Variants in NCAM1 observed in about 807,000 individuals in gnomAD.
NCAM1 encodes neural cell adhesion molecule 1.
In NCAM1, 14 loss-of-function variants were observed where a neutral mutation model predicts 109.8. The observed-to-expected ratio is 0.13, with a 90% CI of 0.08 to 0.20. The LOEUF is 0.20. NCAM1 is among the 10% of genes least tolerant of loss of function. The probability of loss-of-function intolerance (pLI) is 1.00; values close to 1 mark genes in which losing one functional copy is unlikely to be tolerated. For synonymous variants in NCAM1, 418 were observed against 442.9 expected, an observed-to-expected ratio of 0.94 and a Z score of 0.70; for missense variants, 774 against 1,109.9, an observed-to-expected ratio of 0.70 and a Z score of 4.30.
chr11:112,992,803 G>A (rs1020692568), intron 1 of NCAM1, among the ~76,000 whole-genome samples: 13 of 151,916 alleles, frequency 8.6e-5, no homozygotes, highest in East Asian at 1.9e-4. Context: ...CACCGCACCC[G>A]GCCTGAAAAA....
At chr11:112,982,545 A>T (rs1951181116) in intron 1 of NCAM1, among the ~76,000 whole-genome samples, 2 of 151,836 alleles carry the variant, frequency 1.3e-5, no homozygotes, top group Admixed American at 1.3e-4. Flanking sequence ...GGGTAGGAGG[A>T]GCTACTGTAG....
chr11:113,055,977 T>TGA (rs1953683356), intron 1 of NCAM1, among the ~76,000 whole-genome samples: 2 of 50,264 alleles, frequency 4.0e-5, no homozygotes, highest in South Asian at 1.6e-3. Context: ...AAAGAAAATG[T>TGA]GATATATATA....
rs189146374 is a variant in NCAM1, at chr11:113,276,312, C to T, written c.*925C>T. On this transcript the variant is annotated 3_prime_UTR_variant, in exon 20 of 20. Coordinates refer to ENST00000316851, the MANE Select transcript of NCAM1 (RefSeq NM_181351.5). ...TCTGATCTGCAGTTTTTGCCTGGGTCCCACTCAGGTGAAAATCCATCTCAT... is the reference window on the plus strand; with the variant it reads ...TCTGATCTGCAGTTTTTGCCTGGGTTCCACTCAGGTGAAAATCCATCTCAT... The T allele has an allele frequency of 6.5e-6, 1 of 152,684 alleles. No individual in the cohort carries two copies. Among genetic ancestry groups the T allele is most frequent in the African/African-American group, 2.4e-5 (1 of 41,554 alleles). 9.5% of individuals were successfully genotyped at this position (152,684 alleles called of 1,614,324 possible).
intron 1 of NCAM1, among the ~76,000 whole-genome samples, chr11:113,123,257 ATAATC>A (rs1204556195): frequency 2.0e-5 from 3 of 152,250 alleles, no homozygotes; most frequent in Admixed American, 6.5e-5. Context: ...CTGGCGATGG[ATAATC>A]TAAACACCCT....
At chr11:112,967,047 G>A (rs1234314114) in intron 1 of NCAM1, among the ~76,000 whole-genome samples, 1 of 152,174 alleles carries the variant, frequency 6.6e-6, no homozygotes, top group East Asian at 1.9e-4. Context: ...TGAATTCAAA[G>A]ATTGCATGGC....
At chr11:113,175,944 T>C (rs1943130785) in intron 1 of NCAM1, among the ~76,000 whole-genome samples, 1 of 152,230 alleles carries the variant, frequency 6.6e-6, no homozygotes, top group South Asian at 2.1e-4. Flanking sequence ...GCAGTTACCC[T>C]GATTTGATTA....
chr11:113,092,103 A>T (rs983104467), intron 1 of NCAM1, among the ~76,000 whole-genome samples: 2 of 152,070 alleles, frequency 1.3e-5, no homozygotes, highest in East Asian at 3.9e-4. Context: ...TATTGTCTTT[A>T]CAGCAACTTC....
At chr11:113,219,538 G>A (rs565126356) in intron 8 of NCAM1, among the ~76,000 whole-genome samples, 1 of 152,320 alleles carries the variant, frequency 6.6e-6, no homozygotes, top group African/African-American at 2.4e-5. Context: ...TTTCATAAGT[G>A]TGTACATTTG....
chr11:113,114,310 C>T (rs1555094383), intron 1 of NCAM1, among the ~76,000 whole-genome samples: 1 of 152,182 alleles, frequency 6.6e-6, no homozygotes, highest in African/African-American at 2.4e-5. Context: ...CGTGGCCACT[C>T]TCCTTTCTGC....
At chr11:112,990,680 GTGATTTTTT>G (rs1951436299) in intron 1 of NCAM1, among the ~76,000 whole-genome samples, 1 of 152,110 alleles carries the variant, frequency 6.6e-6, no homozygotes, top group African/African-American at 2.4e-5. Context: ...GCAAGTGGGT[GTGATTTTTT>G]CTGGGTCCCA....
Position 113,205,678 on chromosome 11 carries a change from A to G in NCAM1, c.490+12A>G, listed in dbSNP as rs782421120. 6.2e-7 allele frequency: 1 copy of G among 1,610,968 alleles called. No homozygotes were observed. The highest frequency in any genetic ancestry group is 1.1e-5 in the South Asian group (1 of 90,402). On this transcript the variant is annotated intron_variant, in intron 4 of 19. Coordinates refer to ENST00000316851, the MANE Select transcript of NCAM1 (RefSeq NM_181351.5). Reference sequence around the variant, plus strand: ...CCTGAAAAAAGATGGTGAGACCTGAATTTCCTGGCATCTGCCTTTTCCCCA... The same window carrying G: ...CCTGAAAAAAGATGGTGAGACCTGAGTTTCCTGGCATCTGCCTTTTCCCCA...
At chr11:113,270,537 C>T in intron 18 of NCAM1, 142 bp downstream of exon 18, 1 of 767,538 alleles carries the variant, frequency 1.3e-6, no homozygotes. Context: ...GGGGGAAAAA[C>T]ATTAGAGAAA....
chr11:113,234,730 T>C lies in NCAM1; in HGVS notation c.1694-303T>C, dbSNP rs1233823543. Among the ~76,000 whole-genome samples, 3 of 152,264 alleles carry C rather than the reference T, an allele frequency of 2.0e-5. No homozygotes were observed. The East Asian group carries it at 5.8e-4, about 29-fold the overall frequency. ...CATTTGGGTTGCCTTTCGGCTATTG[T>C]GAATGATGCTGCTGTGAACATGGGT... On this transcript the variant is annotated intron_variant, in intron 13 of 19. Coordinates refer to ENST00000316851, the MANE Select transcript of NCAM1 (RefSeq NM_181351.5).
chr11:113,200,745 A>T (rs1282963506), intron 1 of NCAM1, among the ~76,000 whole-genome samples: 1 of 152,132 alleles, frequency 6.6e-6, no homozygotes, highest in East Asian at 1.9e-4. Context: ...GCACCCACAG[A>T]TAATCACACT....
chr11:113,254,831 C>T (rs1261414163), intron 15 of NCAM1, among the ~76,000 whole-genome samples: 3 of 152,136 alleles, frequency 2.0e-5, no homozygotes, highest in African/African-American at 7.2e-5. Context: ...GAGATAGCTC[C>T]TCACAGAAGT....
chr11:113,258,825 A>C (rs1945899591), intron 16 of NCAM1, among the ~76,000 whole-genome samples: 1 of 152,212 alleles, frequency 6.6e-6, no homozygotes, highest in Non-Finnish European at 1.5e-5. Flanking sequence ...GAAAAACAAA[A>C]AAAAGGAAAG....
rs1356015507 is a variant in NCAM1, at chr11:112,979,234, A to AAC, written c.52+17571_52+17572insCA. Among the ~76,000 whole-genome samples the AAC allele has an allele frequency of 1.8e-4, 27 of 151,668 alleles. No individual in the cohort carries two copies. In the East Asian group the frequency reaches 3.3e-3, roughly 19 times the overall value. On this transcript the variant is annotated intron_variant, in intron 1 of 19. Transcript: ENST00000316851. ...AGACTGGTAGAACAAAAAAGAAAAA[A>AAC]AAACAAACAAAAAAAACCTGTAATT...
intron 14 of NCAM1, among the ~76,000 whole-genome samples, chr11:113,238,691 T>A (rs1945243502): frequency 6.6e-6 from 1 of 152,236 alleles, no homozygotes. Flanking sequence ...AGCTGTGTGC[T>A]TGCACTGAGC....
chr11:113,273,563 C>T lies in NCAM1; in HGVS notation c.2456+1687C>T, dbSNP rs1272094814. 1 of 404,740 alleles carries T rather than the reference C, an allele frequency of 2.5e-6. No individual in the cohort carries two copies. The highest frequency in any genetic ancestry group is 2.6e-5 in the Admixed American group (1 of 38,272). 25.1% of individuals were successfully genotyped at this position (404,740 alleles called of 1,614,324 possible). A position where few individuals can be genotyped will look rare whatever the true frequency, so the allele number is the denominator to read the frequency against. On this transcript the variant is annotated intron_variant, in intron 19 of 19. Transcript: ENST00000316851. This position sits in a 1 kb window ranked among gnomAD's most constrained non-coding sequence, Gnocchi z 6.0. ...AGGCTGCCTCCGTCAGCACCACAAA[C>T]CCTTCCCAGGGCGAGGACTTTAAAA...
Sources: gnomAD v4.1 joint callset for allele counts (sites outside exome capture counted in the v4.1 genomes callset) on GRCh38, gnomAD v4.1.1 for gene constraint, Gnocchi (gnomAD v3.1) non-coding constraint, MANE v1.5 for transcripts, NCBI Gene and HGNC (gene_info 2026-07-23, HGNC 2026-07-21) for gene names.